Variants in MNDA observed in about 807,000 individuals in gnomAD.
MNDA encodes the protein epididymis secretory sperm binding protein.
In MNDA, 43 loss-of-function variants were observed where a neutral mutation model predicts 37.8. The observed-to-expected ratio is 1.14, with a 90% CI of 0.89 to 1.47. The LOEUF (loss-of-function observed/expected upper bound fraction) is 1.47, where lower values mean the gene tolerates loss of function less well. Ranked by LOEUF, MNDA falls within the 40% of genes most tolerant of loss-of-function variation. The pLI is 0.00. For missense variants in MNDA, 536 were observed against 476.0 expected, an observed-to-expected ratio of 1.13 and a Z score of -1.17; for synonymous variants, 181 against 169.0, an observed-to-expected ratio of 1.07 and a Z score of -0.55.
intron 1 of MNDA, among the ~76,000 whole-genome samples, chr1:158,839,719 A>G (rs1032897333): frequency 2.0e-5 from 3 of 152,322 alleles, no homozygotes; most frequent in East Asian, 1.9e-4. Context: ...AGGGACAAAG[A>G]AAAACACCTA....
intron 6 of MNDA, among the ~76,000 whole-genome samples, chr1:158,848,585 A>G (rs1659189497): frequency 6.6e-6 from 1 of 152,204 alleles, no homozygotes; most frequent in South Asian, 2.1e-4. Context: ...GCTTTTTCAA[A>G]AGTAAATTAA....
chr1:158,847,655 G>T, intron 5 of MNDA, 73 bp from the exon 6 acceptor site: 1 of 1,428,218 alleles, frequency 7.0e-7, no homozygotes, highest in Non-Finnish European at 9.6e-7. Context: ...CATTAACTTT[G>T]TCATGAGACT....
At position 158,844,071 on chromosome 1, in the gene MNDA, C is replaced by T. The variant is rs1337273308; in HGVS notation, c.519C>T (p.Pro173=). Residue 173 remains proline (P), a synonymous_variant, in exon 4 of 7, where the codon CCC becomes CCT. Coordinates refer to ENST00000368141, the MANE Select transcript of MNDA (RefSeq NM_002432.3). ...GCACATCTGCAGCTGTGGATCATCC[C>T]CCACTACCCCAGACCTCATCATCAA... ...GASTSAAVDH[P]PLPQTSSSTP... 1 of 1,613,084 alleles carries T rather than the reference C, an allele frequency of 6.2e-7. No homozygotes were observed. Among genetic ancestry groups the T allele is most frequent in the Non-Finnish European group, 8.5e-7 (1 of 1,179,618 alleles).
Position 158,845,811 on chromosome 1 carries a change from C to T in MNDA, c.795C>T (p.Val265=), listed in dbSNP as rs756721375. 6 of 1,614,006 alleles carry T rather than the reference C, an allele frequency of 3.7e-6. No homozygotes were observed. The East Asian group carries it at 1.3e-4, about 36-fold the overall frequency. The change falls in exon 5 of 7, where the codon GTC becomes GTT. Residue 265 remains valine, a synonymous_variant. Coordinates refer to ENST00000368141, the MANE Select transcript of MNDA (RefSeq NM_002432.3). ...AAGAGAAATTTGTAAGGAAGAAGGT[C>T]ATTACCATATCTGATTACTCTGAAT... The part of the protein sequence containing the change: ...NLKEKFVRKK[V]ITISDYSECK...
chr1:158,844,038 A>G lies in MNDA; in HGVS notation c.486A>G (p.Ser162=), dbSNP rs755374902. The G allele has an allele frequency of 6.2e-7, 1 of 1,613,922 alleles. No individual in the cohort carries two copies. The highest frequency in any genetic ancestry group is 8.5e-7 in the Non-Finnish European group (1 of 1,179,886). Residue 162 remains serine (S), a synonymous_variant, in exon 4 of 7, where the codon TCA becomes TCG. Transcript: ENST00000368141. ...AGCAGAGTAAGCCCCCAGGTCCCTC[A>G]GGAGCCAGCACATCTGCAGCTGTGG... ...SQEQSKPPGP[S]GASTSAAVDH... is the part of the protein sequence containing the mutation.
At chr1:158,837,226 T>G (rs1057458172) in intron 1 of MNDA, among the ~76,000 whole-genome samples, 5 of 151,800 alleles carry the variant, frequency 3.3e-5, no homozygotes, top group Non-Finnish European at 5.9e-5. Context: ...GGTCTATAAG[T>G]GGTCTATAAT....
At position 158,845,895 on chromosome 1, in the gene MNDA, T is replaced by C; in HGVS notation, c.879T>C (p.Phe293=). ...CTGTGTCTGACTTTAATCAAAATTT[T>C]GAGGTCCCAAACAGAATTATCGAAA... ...ASSVSDFNQN[F]EVPNRIIEIA... is the part of the protein sequence containing the mutation. The change falls in exon 5 of 7, where the codon TTT becomes TTC. Residue 293 remains phenylalanine, a synonymous_variant. Coordinates refer to ENST00000368141, the MANE Select transcript of MNDA (RefSeq NM_002432.3). 1 of 1,614,206 alleles carries C rather than the reference T, an allele frequency of 6.2e-7. No homozygotes were observed. Among genetic ancestry groups the C allele is most frequent in the Non-Finnish European group, 8.5e-7 (1 of 1,180,038 alleles).
chr1:158,844,434 T>C (rs969432814), intron 4 of MNDA, among the ~76,000 whole-genome samples: 2 of 151,050 alleles, frequency 1.3e-5, no homozygotes, highest in Admixed American at 1.3e-4. Context: ...TCCCCACACT[T>C]CCTATTACAG....
intron 1 of MNDA, among the ~76,000 whole-genome samples, chr1:158,833,002 T>TA (rs1658835520): frequency 6.6e-6 from 1 of 152,248 alleles, no homozygotes; most frequent in African/African-American, 2.4e-5. Context: ...TTCTTATTTT[T>TA]AAAAAATCTA....
intron 1 of MNDA, among the ~76,000 whole-genome samples, chr1:158,835,282 C>A (rs1481871804): frequency 6.6e-6 from 1 of 152,108 alleles, no homozygotes; most frequent in Non-Finnish European, 1.5e-5. Context: ...TACATTTGTG[C>A]CTTCTTTAAT....
chr1:158,847,992 C>T, intron 6 of MNDA, 76 bp downstream of exon 6: 4 of 1,354,974 alleles, frequency 3.0e-6, no homozygotes, highest in Non-Finnish European at 4.1e-6. Context: ...ACACCAGGTT[C>T]CTCATGTATT....
rs545101649 is a variant in MNDA at position 158,843,430 on chromosome 1, G to A, written c.402+15G>A. The A allele has an allele frequency of 6.3e-7, 1 of 1,594,446 alleles. No individual in the cohort carries two copies. Among genetic ancestry groups the A allele is most frequent in the African/African-American group, 1.4e-5 (1 of 73,840 alleles). On this transcript the variant is annotated intron_variant, in intron 3 of 6. Coordinates refer to ENST00000368141, the MANE Select transcript of MNDA (RefSeq NM_002432.3). The stretch of plus-strand genomic sequence containing the variant: ...CTGTAGCTCAGGTAAGCTTGAGAAA[G>A]AGGAGCAGGACTGAAGCCTCACAGA...
chr1:158,842,241 G>A lies in MNDA; in HGVS notation c.88G>A (p.Ala30Thr). ...YHFTSIKSLL[A>T]YDLGLTTKMQ... ...TTTTACATCAATTAAGTCCTTACTGGCCTATGATTTAGGACTAACTACAAA... is the reference window on the plus strand; with the variant it reads ...TTTTACATCAATTAAGTCCTTACTGACCTATGATTTAGGACTAACTACAAA... The change falls in exon 2 of 7, where the codon GCC becomes ACC. Residue 30 changes from alanine (A) to threonine (T), a missense_variant. Physicochemically the swap from Ala to Thr is moderately conservative, Grantham distance 58 (BLOSUM62 0). Transcript: ENST00000368141. 6.2e-7 allele frequency: 1 copy of A among 1,613,778 alleles called. No homozygotes were observed. The highest frequency in any genetic ancestry group is 1.1e-5 in the South Asian group (1 of 91,070).
In MNDA at chr1:158,832,134, A is replaced by G. The variant is rs147824862; in HGVS notation, c.-21+577A>G. ...AATAATTCTCTTTTTCAAATGGTCT[A>G]TGCTTTACTCAGTCATAGATAACAT... On this transcript the variant is annotated intron_variant, in intron 1 of 6. Transcript: ENST00000368141. 3.9e-5 allele frequency among the ~76,000 whole-genome samples: 6 copies of G among 152,238 alleles called. 1 individual carries two copies. Among genetic ancestry groups the G allele is most frequent in the East Asian group, 1.9e-4 (1 of 5,192 alleles).
At chr1:158,841,332 A>T (rs1659024611) in intron 1 of MNDA, among the ~76,000 whole-genome samples, 1 of 152,090 alleles carries the variant, frequency 6.6e-6, no homozygotes, top group Non-Finnish European at 1.5e-5. Context: ...AAAAATCAAA[A>T]CTCATTGAAG....
chr1:158,838,164 T>A (rs912643445), intron 1 of MNDA, among the ~76,000 whole-genome samples: 1 of 151,988 alleles, frequency 6.6e-6, no homozygotes, highest in Non-Finnish European at 1.5e-5. Flanking sequence ...ATGTATATAC[T>A]TACCTTTCAT....
chr1:158,839,049 CTTT>C (rs1479758669), intron 1 of MNDA, among the ~76,000 whole-genome samples: 5 of 152,076 alleles, frequency 3.3e-5, no homozygotes, highest in African/African-American at 1.2e-4. Context: ...CTGTTTTAGT[CTTT>C]GACAAGAAAG....
intron 4 of MNDA, among the ~76,000 whole-genome samples, chr1:158,845,016 G>A (rs1012864747): frequency 8.5e-5 from 13 of 152,120 alleles, no homozygotes; most frequent in African/African-American, 3.1e-4. Context: ...GTCAATGAGG[G>A]TGATTTAATT....
In MNDA at chr1:158,842,214, C is replaced by G; in HGVS notation, c.61C>G (p.His21Asp). ...LKGFELMDDYHFTSIKSLLAY... is the reference protein window; with the variant it reads ...LKGFELMDDYDFTSIKSLLAY... ...AGGATTTGAGCTCATGGATGATTATCATTTTACATCAATTAAGTCCTTACT... is the reference window on the plus strand; with the variant it reads ...AGGATTTGAGCTCATGGATGATTATGATTTTACATCAATTAAGTCCTTACT... Residue 21 changes from histidine (H) to aspartate (D), a missense_variant, in exon 2 of 7, where the codon CAT becomes GAT. Transcript: ENST00000368141. The G allele has an allele frequency of 6.2e-7, 1 of 1,613,802 alleles. No individual in the cohort carries two copies. The highest frequency in any genetic ancestry group is 8.5e-7 in the Non-Finnish European group (1 of 1,179,796).
Sources: allele counts gnomAD v4.1 joint callset (sites outside exome capture counted in the v4.1 genomes callset), GRCh38; gene constraint gnomAD v4.1.1; transcripts MANE v1.5; gene names NCBI Gene and HGNC (gene_info 2026-07-23, HGNC 2026-07-21).